Variants in NAPEPLD observed in about 807,000 individuals in gnomAD.
NAPEPLD encodes N-acyl-phosphatidylethanolamine-hydrolyzing phospholipase D.
Under a neutral mutation model 38.1 loss-of-function variants are expected in NAPEPLD, and 23 were observed. That is an observed-to-expected ratio of 0.60 (90% CI 0.43 to 0.86). The LOEUF (loss-of-function observed/expected upper bound fraction) is 0.86, where lower values mean the gene tolerates loss of function less well. NAPEPLD is among the 40% of genes least tolerant of loss of function. The probability of loss-of-function intolerance (pLI) is 0.00; values close to 1 mark genes in which losing one functional copy is unlikely to be tolerated. For synonymous variants in NAPEPLD, 147 were observed against 162.0 expected, an observed-to-expected ratio of 0.91 and a Z score of 0.71; for missense variants, 411 against 476.8, an observed-to-expected ratio of 0.86 and a Z score of 1.28.
chr7:103,136,162 G>C (rs1296656671), intron 1 of NAPEPLD, among the ~76,000 whole-genome samples: 1 of 151,940 alleles, frequency 6.6e-6, no homozygotes, highest in Non-Finnish European at 1.5e-5. Context: ...AGCTACTCGG[G>C]AGGTTGAGGC....
chr7:103,142,583 G>A (rs1811650809), intron 1 of NAPEPLD, among the ~76,000 whole-genome samples: 1 of 152,058 alleles, frequency 6.6e-6, no homozygotes, highest in South Asian at 2.1e-4. Context: ...TGCAGCCTGG[G>A]TGACAGAAAA....
Position 103,102,361 on chromosome 7 carries a change from G to A in NAPEPLD, c.*1068C>T, listed in dbSNP as rs998331766. Reference sequence around the variant, plus strand: ...AGGAGAGGGCTTTCTTTTGAGACAGGGTCTCATTTTGTCGCCCAGGCTGGA... The same window carrying A: ...AGGAGAGGGCTTTCTTTTGAGACAGAGTCTCATTTTGTCGCCCAGGCTGGA... On this transcript the variant is annotated 3_prime_UTR_variant, in exon 5 of 5. Coordinates refer to ENST00000465647, the MANE Select transcript of NAPEPLD (RefSeq NM_001122838.3). The A allele has an allele frequency of 6.6e-6, 1 of 152,068 alleles. No individual in the cohort carries two copies. The highest frequency in any genetic ancestry group is 1.9e-4 in the East Asian group (1 of 5,178). The allele number at this position is 152,068 out of a possible 1,614,324, so 9.4% of individuals were successfully genotyped here. A position where few individuals can be genotyped will look rare whatever the true frequency, so the allele number is the denominator to read the frequency against.
rs1806208593 is a variant in NAPEPLD, at chr7:103,119,567, G to T, written c.941+10C>A. ...CATAGCAGGAATGTTTTCTTTGGAA[G>T]TCTACATACCTCGGTTCATAAGCTC... On this transcript the variant is annotated intron_variant, in intron 3 of 4. Transcript: ENST00000465647. 1.3e-6 allele frequency: 2 copies of T among 1,596,020 alleles called. No homozygotes were observed. Among genetic ancestry groups the T allele is most frequent in the Non-Finnish European group, 8.5e-7 (1 of 1,170,348 alleles).
At chr7:103,128,902 T>G in intron 1 of NAPEPLD, 110 bp from the exon 2 acceptor site, 1 of 1,124,478 alleles carries the variant, frequency 8.9e-7, no homozygotes, top group Non-Finnish European at 1.2e-6. Context: ...ATAAAAATAT[T>G]ATGTCTGTAT....
At chr7:103,132,853 T>C (rs1351518419) in intron 1 of NAPEPLD, among the ~76,000 whole-genome samples, 3 of 151,986 alleles carry the variant, frequency 2.0e-5, no homozygotes, top group Non-Finnish European at 4.4e-5. Context: ...ATCTTTCTTC[T>C]CTCTAAATAA....
chr7:103,147,440 A>G (rs1171796341), intron 1 of NAPEPLD, among the ~76,000 whole-genome samples: 1 of 152,238 alleles, frequency 6.6e-6, no homozygotes, highest in Non-Finnish European at 1.5e-5. Context: ...GTAGAAAGCA[A>G]TGGAAAAACT....
At position 103,136,236 on chromosome 7, in the gene NAPEPLD, C is replaced by T. The variant is rs546284687; in HGVS notation, c.-16-7444G>A. 4.0e-5 allele frequency among the ~76,000 whole-genome samples: 6 copies of T among 151,466 alleles called. 1 individual carries two copies. Among genetic ancestry groups the T allele is most frequent in the Non-Finnish European group, 5.9e-5 (4 of 67,886 alleles). Reference sequence around the variant, plus strand: ...GGGCTGAGATCATGCCACCGCACTCCAGCCTGGGTGACAGAGTGAGACCCC... The same window carrying T: ...GGGCTGAGATCATGCCACCGCACTCTAGCCTGGGTGACAGAGTGAGACCCC... On this transcript the variant is annotated intron_variant, in intron 1 of 4. Transcript: ENST00000465647.
chr7:103,104,343 G>A (rs1802874969), intron 4 of NAPEPLD, among the ~76,000 whole-genome samples: 1 of 152,220 alleles, frequency 6.6e-6, no homozygotes, highest in African/African-American at 2.4e-5. Flanking sequence ...AAGACTGGAT[G>A]CGATTCCCAA....
intron 1 of NAPEPLD, chr7:103,141,394 C>T: frequency 1.2e-6 from 1 of 830,284 alleles, no homozygotes. Context: ...TGATGATCTC[C>T]TCCTTCTTGG....
intron 1 of NAPEPLD, among the ~76,000 whole-genome samples, chr7:103,143,782 G>T (rs889799515): frequency 2.6e-5 from 4 of 152,204 alleles, no homozygotes; most frequent in African/African-American, 9.6e-5. Context: ...TAACTGATAC[G>T]ATTACCGTAA....
intron 1 of NAPEPLD, among the ~76,000 whole-genome samples, chr7:103,138,750 G>A (rs10224485): frequency 0.027 from 4,119 of 152,172 alleles, 205 homozygotes; most frequent in African/African-American, 0.093. Context: ...GATTACAGGC[G>A]TGAGCCACCA....
chr7:103,106,566 G>A (rs1444497722), intron 4 of NAPEPLD, among the ~76,000 whole-genome samples: 1 of 152,150 alleles, frequency 6.6e-6, no homozygotes, highest in Non-Finnish European at 1.5e-5. Flanking sequence ...TTGGTAGGGG[G>A]AGGGGCGTCC....
Position 103,101,892 on chromosome 7 carries a change from A to G in NAPEPLD, c.*1537T>C, listed in dbSNP as rs2129525468. The G allele has an allele frequency of 6.6e-6, 1 of 152,296 alleles. No individual in the cohort carries two copies. The highest frequency in any genetic ancestry group is 2.4e-5 in the African/African-American group (1 of 41,558). The allele number at this position is 152,296 out of a possible 1,614,324, so 9.4% of individuals were successfully genotyped here. ...AGTGCTGAGACTGGATTAGGAATAC[A>G]GAATGGGCCTCCAGTGGTATCTAAT... is the stretch of plus-strand genomic sequence containing the variant. On this transcript the variant is annotated 3_prime_UTR_variant, in exon 5 of 5. Coordinates refer to ENST00000465647, the MANE Select transcript of NAPEPLD (RefSeq NM_001122838.3).
Position 103,143,093 on chromosome 7 carries a change from A to G in NAPEPLD, c.-17+5718T>C, listed in dbSNP as rs550149741. Among the ~76,000 whole-genome samples, 19 of 151,892 alleles carry G rather than the reference A, an allele frequency of 1.3e-4. No homozygotes were observed. The East Asian group carries it at 3.3e-3, about 26-fold the overall frequency. On this transcript the variant is annotated intron_variant, in intron 1 of 4. Coordinates refer to ENST00000465647, the MANE Select transcript of NAPEPLD (RefSeq NM_001122838.3). ...AAAACAAAAAAACAAAAAAACAAAC[A>G]CACACACGCAAAAATTAGCCAGGTG...
intron 1 of NAPEPLD, among the ~76,000 whole-genome samples, chr7:103,137,775 C>T (rs573735495): frequency 6.9e-6 from 1 of 144,814 alleles, no homozygotes; most frequent in Admixed American, 7.0e-5. Context: ...GTAATTGAGC[C>T]ACTGCACTCC....
chr7:103,107,655 T>C (rs1160477078), intron 4 of NAPEPLD, among the ~76,000 whole-genome samples: 2 of 151,616 alleles, frequency 1.3e-5, no homozygotes, highest in African/African-American at 4.9e-5. Flanking sequence ...ATATCAGAGA[T>C]TGAAGATCAA....
intron 1 of NAPEPLD, chr7:103,148,034 T>C: frequency 1.0e-6 from 1 of 984,922 alleles, no homozygotes; most frequent in South Asian, 4.7e-5. Context: ...ATAGGTAATC[T>C]TCTTTTTAAA....
At chr7:103,111,369 GT>G (rs1804488607) in intron 4 of NAPEPLD, among the ~76,000 whole-genome samples, 1 of 152,118 alleles carries the variant, frequency 6.6e-6, no homozygotes, top group African/African-American at 2.4e-5. Flanking sequence ...ATACTACAAG[GT>G]TACAGTAATC....
At position 103,101,686 on chromosome 7, in the gene NAPEPLD, C is replaced by T. The variant is rs1372863795; in HGVS notation, c.*1743G>A. The stretch of plus-strand genomic sequence containing the variant: ...CTCTTGTTGCAAATGAGGAAACAGG[C>T]ACAGTGAGCACTGGTGACTTGTTTC... On this transcript the variant is annotated 3_prime_UTR_variant, in exon 5 of 5. Coordinates refer to ENST00000465647, the MANE Select transcript of NAPEPLD (RefSeq NM_001122838.3). 6 of 152,518 alleles carry T rather than the reference C, an allele frequency of 3.9e-5. No individual in the cohort carries two copies. The highest frequency in any genetic ancestry group is 8.8e-5 in the Non-Finnish European group (6 of 68,026). 9.4% of individuals were successfully genotyped at this position (152,518 alleles called of 1,614,324 possible).
Sources: gnomAD v4.1 joint callset for allele counts (sites outside exome capture counted in the v4.1 genomes callset) on GRCh38, gnomAD v4.1.1 for gene constraint, MANE v1.5 for transcripts, NCBI Gene and HGNC (gene_info 2026-07-23, HGNC 2026-07-21) for gene names.